MARCHF1: variants seen among roughly 807,000 people sequenced by gnomAD.
The protein encoded by MARCHF1 is E3 ubiquitin-protein ligase MARCHF1.
In MARCHF1, 40 loss-of-function variants were observed where a neutral mutation model predicts 54.2. That is an observed-to-expected ratio of 0.74 (90% CI 0.57 to 0.96). MARCHF1 has a LOEUF of 0.96. MARCHF1 is among the 40% of genes least tolerant of loss of function. MARCHF1 has a pLI of 0.00. For missense variants in MARCHF1, 586 were observed against 656.5 expected, an observed-to-expected ratio of 0.89 and a Z score of 1.17; for synonymous variants, 236 against 236.3, an observed-to-expected ratio of 1.00 and a Z score of 0.01.
chr4:164,188,564 C>T, intron 1 of MARCHF1: 3 of 770,668 alleles, frequency 3.9e-6, no homozygotes, highest in South Asian at 1.4e-5. Flanking sequence ...ACGCATCACG[C>T]GGTCCTATGT....
intron 5 of MARCHF1, among the ~76,000 whole-genome samples, chr4:163,614,847 A>T (rs186401069): frequency 6.6e-6 from 1 of 152,096 alleles, no homozygotes; most frequent in African/African-American, 2.4e-5. Context: ...CAGTAGAGTT[A>T]GTCAGAGAGA....
intron 5 of MARCHF1, among the ~76,000 whole-genome samples, chr4:163,678,424 T>C (rs1432553717): frequency 6.6e-6 from 1 of 152,218 alleles, no homozygotes; most frequent in Non-Finnish European, 1.5e-5. Context: ...CAAGACTAAA[T>C]TGAAAATGCA....
At chr4:163,626,699 C>T (rs987486143) in intron 5 of MARCHF1, among the ~76,000 whole-genome samples, 6 of 152,022 alleles carry the variant, frequency 3.9e-5, no homozygotes, top group Admixed American at 3.3e-4. Flanking sequence ...GAGGCCGAGG[C>T]GGGTGGATCA....
At chr4:163,827,987 T>C (rs1748900087) in intron 4 of MARCHF1, among the ~76,000 whole-genome samples, 2 of 144,030 alleles carry the variant, frequency 1.4e-5, no homozygotes, top group Admixed American at 1.4e-4. Flanking sequence ...GATATGAACA[T>C]CCTCCCTCCA....
At chr4:164,164,783 A>C (rs749467360) in intron 1 of MARCHF1, among the ~76,000 whole-genome samples, 1 of 152,066 alleles carries the variant, frequency 6.6e-6, no homozygotes, top group Non-Finnish European at 1.5e-5. Flanking sequence ...ACAACTCCAC[A>C]TACATACATA....
chr4:164,344,176 G>A (rs1730007663), intron 1 of MARCHF1, among the ~76,000 whole-genome samples: 2 of 152,150 alleles, frequency 1.3e-5, no homozygotes, highest in Non-Finnish European at 2.9e-5. Flanking sequence ...TAAGCACTAA[G>A]TACATATGCA....
At chr4:164,343,947 C>T (rs181690954) in intron 1 of MARCHF1, among the ~76,000 whole-genome samples, 1 of 152,226 alleles carries the variant, frequency 6.6e-6, no homozygotes. Context: ...CAGCATTATT[C>T]ACAATCACAA....
intron 4 of MARCHF1, among the ~76,000 whole-genome samples, chr4:163,721,604 G>A (rs1042318983): frequency 5.3e-5 from 8 of 152,096 alleles, no homozygotes; most frequent in Non-Finnish European, 1.2e-4. Context: ...AGAAGGAATG[G>A]TACCAGCTCC....
chr4:163,941,046 A>G (rs1751902231), intron 3 of MARCHF1, among the ~76,000 whole-genome samples: 1 of 152,134 alleles, frequency 6.6e-6, no homozygotes, highest in Admixed American at 6.6e-5. Flanking sequence ...ACAAAATAAT[A>G]CAAGGATTAA....
At chr4:164,366,141 G>A (rs916673292) in intron 1 of MARCHF1, among the ~76,000 whole-genome samples, 4 of 151,980 alleles carry the variant, frequency 2.6e-5, no homozygotes, top group African/African-American at 9.7e-5. Context: ...TTAAAATCCT[G>A]ACAATATTTA....
intron 4 of MARCHF1, among the ~76,000 whole-genome samples, chr4:163,714,976 C>T (rs1745215404): frequency 6.6e-6 from 1 of 152,082 alleles, no homozygotes; most frequent in African/African-American, 2.4e-5. Context: ...GCCACTGCAC[C>T]CAGCCTATAC....
chr4:164,119,630 G>A (rs1161131604), intron 1 of MARCHF1, among the ~76,000 whole-genome samples: 1 of 150,662 alleles, frequency 6.6e-6, no homozygotes, highest in African/African-American at 2.5e-5. Flanking sequence ...AAATCAAAAT[G>A]ACACCAACTG....
At chr4:164,068,052 C>T (rs1754766922) in intron 2 of MARCHF1, among the ~76,000 whole-genome samples, 1 of 152,072 alleles carries the variant, frequency 6.6e-6, no homozygotes, top group African/African-American at 2.4e-5. Flanking sequence ...ATGGTCATTA[C>T]TAAAAAGTAA....
chr4:164,108,889 G>T (rs1418174130), intron 2 of MARCHF1, among the ~76,000 whole-genome samples: 1 of 152,066 alleles, frequency 6.6e-6, no homozygotes, highest in Non-Finnish European at 1.5e-5. Context: ...TAAGATAGCT[G>T]TGATTTTTAA....
intron 4 of MARCHF1, among the ~76,000 whole-genome samples, chr4:163,822,508 CT>C (rs1177549229): frequency 6.6e-6 from 1 of 151,784 alleles, no homozygotes; most frequent in Non-Finnish European, 1.5e-5. Context: ...ACATACGATT[CT>C]TTTTAAAAAA....
intron 4 of MARCHF1, among the ~76,000 whole-genome samples, chr4:163,780,803 G>A (rs1428472192): frequency 6.6e-6 from 1 of 152,160 alleles, no homozygotes; most frequent in Non-Finnish European, 1.5e-5. Flanking sequence ...ATGTGCGTTT[G>A]GCAGGGTTGT....
intron 3 of MARCHF1, among the ~76,000 whole-genome samples, chr4:163,976,113 C>T (rs542336906): frequency 6.6e-6 from 1 of 152,176 alleles, no homozygotes; most frequent in African/African-American, 2.4e-5. Flanking sequence ...GAACTAGCAA[C>T]AAGTGCCCAG....
At chr4:164,133,210 T>C (rs1483752467) in intron 1 of MARCHF1, among the ~76,000 whole-genome samples, 1 of 152,182 alleles carries the variant, frequency 6.6e-6, no homozygotes, top group Admixed American at 6.5e-5. Context: ...TATTCTAGGG[T>C]GCTCCCATAC....
At chr4:164,141,766 G>A (rs564329849) in intron 1 of MARCHF1, among the ~76,000 whole-genome samples, 39 of 152,180 alleles carry the variant, frequency 2.6e-4, no homozygotes, top group Non-Finnish European at 5.0e-4. Flanking sequence ...TACTCAGAGT[G>A]CAATCTATAT....
Sources: gnomAD v4.1 joint callset for allele counts (sites outside exome capture counted in the v4.1 genomes callset) on GRCh38, gnomAD v4.1.1 for gene constraint, MANE v1.5 for transcripts, NCBI Gene and HGNC (gene_info 2026-07-23, HGNC 2026-07-21) for gene names.